The following ANKS1B variants were observed in gnomAD, a reference collection of about 807,000 sequenced individuals.
The protein encoded by ANKS1B is ankyrin repeat and sterile alpha motif domain-containing protein 1B.
ANKS1B carries 36 observed loss-of-function variants against 148.3 expected under a neutral mutation model. The observed-to-expected ratio is 0.24, with a 90% CI of 0.19 to 0.32. The LOEUF (loss-of-function observed/expected upper bound fraction) is 0.32. Ranked by LOEUF, ANKS1B falls within the 10% of genes least tolerant of loss-of-function variation. The probability of loss-of-function intolerance (pLI) is 1.00; values close to 1 mark genes in which losing one functional copy is unlikely to be tolerated. For missense variants in ANKS1B, 1,157 were observed against 1,542.6 expected (o/e 0.75, Z 4.19); for synonymous variants, 542 against 560.8 (o/e 0.97, Z 0.47).
Position 99,504,513 on chromosome 12 carries a change from G to A in ANKS1B, c.1401C>T (p.Cys467=), listed in dbSNP as rs1438268188. 30 of 1,612,514 alleles carry A rather than the reference G, an allele frequency of 1.9e-5. No homozygotes were observed. The highest frequency in any genetic ancestry group is 2.5e-5 in the Non-Finnish European group (30 of 1,179,420). Reference sequence around the variant, plus strand: ...AAGGTGCCCTTGCAATTTCTAAGGAGCAAGGTTTCTTTGTAACAGCTGTGT... The same window carrying A: ...AAGGTGCCCTTGCAATTTCTAAGGAACAAGGTTTCTTTGTAACAGCTGTGT... ...LMDTAVTKKP[C]SLEIARAPSP... The change falls in exon 10 of 27, where the codon TGC becomes TGT. Residue 467 remains cysteine, a synonymous_variant. Transcript: ENST00000683438.
intron 10 of ANKS1B, among the ~76,000 whole-genome samples, chr12:99,471,409 G>T (rs1284387531): frequency 1.3e-5 from 2 of 151,916 alleles, no homozygotes; most frequent in African/African-American, 4.8e-5. Flanking sequence ...GTCACAAAAG[G>T]CCTCTGAGCT....
chr12:99,005,869 G>T (rs916259700), intron 17 of ANKS1B, among the ~76,000 whole-genome samples: 123 of 152,302 alleles, frequency 8.1e-4, no homozygotes, highest in African/African-American at 2.6e-3. Context: ...ATTCTGAGCA[G>T]TGAGCCCACT....
At chr12:99,887,509 G>C (rs1235450150) in intron 1 of ANKS1B, among the ~76,000 whole-genome samples, 2 of 152,046 alleles carry the variant, frequency 1.3e-5, no homozygotes, top group Admixed American at 1.3e-4. Flanking sequence ...CATCATGATA[G>C]AGCACTCCTG....
chr12:99,488,982 C>A (rs1469959854), intron 10 of ANKS1B, among the ~76,000 whole-genome samples: 1 of 151,990 alleles, frequency 6.6e-6, no homozygotes, highest in Non-Finnish European at 1.5e-5. Context: ...GAATACAGTA[C>A]AAACGCAATC....
At chr12:98,808,483 C>T (rs145128632) in intron 19 of ANKS1B, among the ~76,000 whole-genome samples, 2 of 152,260 alleles carry the variant, frequency 1.3e-5, no homozygotes, top group African/African-American at 4.8e-5. Context: ...CTACCCAGCA[C>T]TGGGAGGAGT....
Position 99,278,311 on chromosome 12 carries a change from C to T in ANKS1B, c.1757-31447G>A, listed in dbSNP as rs540423953. On this transcript the variant is annotated intron_variant, in intron 12 of 26. Transcript: ENST00000683438. ...TAGATATCAACACTGAGGCTGACTT[C>T]GGAAGCCATGTGTTGAATCCTGCAA... Among the ~76,000 whole-genome samples, 45 of 152,298 alleles carry T rather than the reference C, an allele frequency of 3.0e-4. No homozygotes were observed. The South Asian group carries it at 3.5e-3, about 12-fold the overall frequency.
intron 16 of ANKS1B, among the ~76,000 whole-genome samples, chr12:99,059,247 G>A (rs1449193408): frequency 1.3e-5 from 2 of 152,192 alleles, no homozygotes; most frequent in East Asian, 3.8e-4. Flanking sequence ...ACCCCTTGGT[G>A]AAGAAATGAG....
At chr12:99,060,500 G>C (rs1158870123) in intron 16 of ANKS1B, among the ~76,000 whole-genome samples, 2 of 152,020 alleles carry the variant, frequency 1.3e-5, no homozygotes, top group Non-Finnish European at 2.9e-5. Context: ...AAAAAGAAAT[G>C]TTTGAAAACC....
At chr12:98,894,886 GCGCCCCCCACTGCCCC>G in intron 17 of ANKS1B, 1 of 974,580 alleles carries the variant, frequency 1.0e-6, no homozygotes, top group Non-Finnish European at 1.2e-6. Context: ...GCCCGCGCGC[GCGCCCCCCACTGCCCC>G]CGCCCCCCGC....
At chr12:99,083,550 A>G (rs2050583789) in intron 16 of ANKS1B, among the ~76,000 whole-genome samples, 1 of 151,926 alleles carries the variant, frequency 6.6e-6, no homozygotes, top group African/African-American at 2.4e-5. Flanking sequence ...CTGACTACAC[A>G]CTTCTCAATT....
chr12:99,205,598 T>C (rs1233611688), intron 14 of ANKS1B, among the ~76,000 whole-genome samples: 3 of 152,178 alleles, frequency 2.0e-5, no homozygotes, highest in African/African-American at 7.2e-5. Flanking sequence ...GTCTGTTCCT[T>C]TCAGGTTGGA....
intron 17 of ANKS1B, among the ~76,000 whole-genome samples, chr12:98,913,278 T>G (rs1280883341): frequency 6.6e-6 from 1 of 152,176 alleles, no homozygotes; most frequent in African/African-American, 2.4e-5. Context: ...TACCAGTGAT[T>G]TCCACCTAGC....
chr12:99,855,722 C>T (rs142494726), intron 1 of ANKS1B, among the ~76,000 whole-genome samples: 1 of 152,142 alleles, frequency 6.6e-6, no homozygotes, highest in African/African-American at 2.4e-5. Flanking sequence ...TCTCTCAAAC[C>T]ACAGTGAAAT....
At chr12:99,128,074 G>C (rs1389660205) in intron 15 of ANKS1B, among the ~76,000 whole-genome samples, 1 of 152,104 alleles carries the variant, frequency 6.6e-6, no homozygotes, top group Non-Finnish European at 1.5e-5. Context: ...TTCTTTATCT[G>C]TAAAATAAAT....
Position 99,049,579 on chromosome 12 carries a change from A to G in ANKS1B, c.2778+3578T>C, listed in dbSNP as rs150820638. Among the ~76,000 whole-genome samples the G allele has an allele frequency of 3.3e-3, 502 of 152,332 alleles. 2 individuals are homozygous for G. Among genetic ancestry groups the G allele is most frequent in the African/African-American group, 0.011 (475 of 41,572 alleles). On this transcript the variant is annotated intron_variant, in intron 17 of 26. Transcript: ENST00000683438. ...TCTCTTAGCACATCTCCAAGTGGTT[A>G]GCTTTCCTGGGAAAGCTGGAAATTA...
intron 8 of ANKS1B, among the ~76,000 whole-genome samples, chr12:99,748,628 C>G (rs1209651441): frequency 6.6e-6 from 1 of 151,962 alleles, no homozygotes; most frequent in Non-Finnish European, 1.5e-5. Context: ...CTGCTGCTCT[C>G]AAGTTTACAT....
intron 9 of ANKS1B, among the ~76,000 whole-genome samples, chr12:99,630,044 C>A (rs1300473810): frequency 6.6e-6 from 1 of 152,066 alleles, no homozygotes. Flanking sequence ...CTGAACTGCA[C>A]TTACAAATGA....
intron 1 of ANKS1B, among the ~76,000 whole-genome samples, chr12:99,980,007 G>T (rs2095675414): frequency 6.6e-6 from 1 of 151,574 alleles, no homozygotes; most frequent in Non-Finnish European, 1.5e-5. Flanking sequence ...AGACTCAAGA[G>T]TCAGAAAGAA....
chr12:99,715,136 AAAAT>A (rs569396513), intron 8 of ANKS1B, among the ~76,000 whole-genome samples: 93 of 143,578 alleles, frequency 6.5e-4, no homozygotes, highest in South Asian at 5.8e-3. Context: ...CTAAAAATAA[AAAAT>A]AATAAATAAA....
Sources: allele counts gnomAD v4.1 joint callset (sites outside exome capture counted in the v4.1 genomes callset), GRCh38; gene constraint gnomAD v4.1.1; transcripts MANE v1.5; gene names NCBI Gene and HGNC (gene_info 2026-07-23, HGNC 2026-07-21).